The following DMXL2 variants were observed in gnomAD, a reference collection of about 807,000 sequenced individuals.
The protein encoded by DMXL2 is dmX-like protein 2.
A neutral mutation model predicts 331.1 loss-of-function variants in DMXL2; 103 were observed. The observed-to-expected ratio is 0.31, with a 90% CI of 0.27 to 0.37. The LOEUF is 0.37. DMXL2 is among the 10% of genes least tolerant of loss of function. DMXL2 has a pLI of 1.00. For synonymous variants in DMXL2, 1,281 were observed against 1,252.1 expected (o/e 1.02, Z -0.49); for missense variants, 3,171 against 3,642.9 (o/e 0.87, Z 3.33).
intron 9 of DMXL2, among the ~76,000 whole-genome samples, chr15:51,539,639 ACT>A (rs2140899490): frequency 6.6e-6 from 1 of 151,904 alleles, no homozygotes; most frequent in East Asian, 1.9e-4. Flanking sequence ...CGAGACACTG[ACT>A]CTACAAAAAC....
At chr15:51,593,100 A>G (rs538145326) in intron 1 of DMXL2, among the ~76,000 whole-genome samples, 1 of 152,364 alleles carries the variant, frequency 6.6e-6, no homozygotes, top group Non-Finnish European at 1.5e-5. Context: ...AAATGCTCCA[A>G]TTAAAAGACA....
chr15:51,594,335 G>T (rs888180994), intron 1 of DMXL2, among the ~76,000 whole-genome samples: 2 of 152,084 alleles, frequency 1.3e-5, no homozygotes, highest in South Asian at 4.1e-4. Context: ...TAAATTCCTC[G>T]ACACATACAC....
At chr15:51,451,623 A>G in intron 42 of DMXL2, 22 bp downstream of exon 42, 1 of 1,592,506 alleles carries the variant, frequency 6.3e-7, no homozygotes, top group Non-Finnish European at 8.6e-7. Context: ...TATATTTTTA[A>G]AAATCATAGA....
intron 22 of DMXL2, 49 bp downstream of exon 22, chr15:51,487,905 G>C (rs2042515645): frequency 1.4e-6 from 2 of 1,443,012 alleles, no homozygotes; most frequent in Non-Finnish European, 1.8e-6. Context: ...AACCTTCTTA[G>C]GTTTTCAATC....
chr15:51,585,420 C>A lies in DMXL2; in HGVS notation c.88-9239G>T, dbSNP rs963215800. ...TTTTGTCTTTGGCTCTGTTTATATT[C>A]ATTCTTCTTAATAGCTGCACAGTAT... On this transcript the variant is annotated intron_variant, in intron 1 of 43. Transcript: ENST00000560891. Among the ~76,000 whole-genome samples the A allele has an allele frequency of 2.0e-5, 3 of 152,210 alleles. No individual in the cohort carries two copies. In the South Asian group the frequency reaches 6.2e-4, roughly 32 times the overall value.
At chr15:51,554,901 T>C (rs2049456009) in intron 6 of DMXL2, among the ~76,000 whole-genome samples, 1 of 152,168 alleles carries the variant, frequency 6.6e-6, no homozygotes, top group Non-Finnish European at 1.5e-5. Flanking sequence ...CTCACACCCA[T>C]AATCCCAGCA....
chr15:51,565,267 T>A, intron 3 of DMXL2, 101 bp from the exon 4 acceptor site: 2 of 641,182 alleles, frequency 3.1e-6, no homozygotes, highest in Non-Finnish European at 5.0e-6. Flanking sequence ...AACTTAAGAC[T>A]TTAAGATCTG....
intron 33 of DMXL2, among the ~76,000 whole-genome samples, chr15:51,462,021 T>C (rs1034586470): frequency 6.6e-6 from 1 of 152,174 alleles, no homozygotes; most frequent in Non-Finnish European, 1.5e-5. Flanking sequence ...TCTTTTGTTA[T>C]GAAAAAGCTT....
chr15:51,499,971 C>T lies in DMXL2; in HGVS notation c.3253G>A (p.Ala1085Thr), dbSNP rs756370559. The T allele has an allele frequency of 1.9e-6, 3 of 1,613,970 alleles. No individual in the cohort carries two copies. The East Asian group carries it at 6.7e-5, about 36-fold the overall frequency. The stretch of plus-strand genomic sequence containing the variant: ...TTATGGTGGATAGGCTGCTTATAAG[C>T]CACTGCAAGGCGACCTGTGTATGAA... Reference protein sequence around the residue: ...SCSYTGRLAVAYKQPIHHNGF... With the variant: ...SCSYTGRLAVTYKQPIHHNGF... The change falls in exon 18 of 44, where the codon GCT (alanine) becomes ACT (threonine). Residue 1085 changes from alanine to threonine, a missense_variant. Transcript: ENST00000560891.
chr15:51,569,107 C>A (rs1482830556), intron 2 of DMXL2, among the ~76,000 whole-genome samples: 1 of 152,206 alleles, frequency 6.6e-6, no homozygotes, highest in African/African-American at 2.4e-5. Flanking sequence ...ATGGTCTTCA[C>A]AACCAGCAGA....
chr15:51,522,925 C>T (rs1282004350), intron 13 of DMXL2, among the ~76,000 whole-genome samples: 1 of 152,222 alleles, frequency 6.6e-6, no homozygotes, highest in Non-Finnish European at 1.5e-5. Flanking sequence ...CCTCAACAGA[C>T]TCCCTGCTAT....
Position 51,576,112 on chromosome 15 carries a change from C to T in DMXL2, c.157G>A (p.Ala53Thr). 6.5e-7 allele frequency: 1 copy of T among 1,544,114 alleles called. No homozygotes were observed. Among genetic ancestry groups the T allele is most frequent in the Non-Finnish European group, 8.8e-7 (1 of 1,140,464 alleles). Residue 53 changes from alanine (A) to threonine (T), a missense_variant, in exon 2 of 44, where the codon GCT becomes ACT. By Grantham distance (58) the Ala-to-Thr change is moderately conservative. Coordinates refer to ENST00000560891, the MANE Select transcript of DMXL2 (RefSeq NM_001378457.1). ...DFECVQIIPG[A>T]KHGNIQVSCV... Reference sequence around the variant, plus strand: ...CTGACTTGGATGTTTCCATGCTTAGCACCAGGAATGATCTGTACACATTCA... The same window carrying T: ...CTGACTTGGATGTTTCCATGCTTAGTACCAGGAATGATCTGTACACATTCA...
intron 23 of DMXL2, among the ~76,000 whole-genome samples, chr15:51,483,548 C>T (rs2042169458): frequency 6.6e-6 from 1 of 152,186 alleles, no homozygotes; most frequent in African/African-American, 2.4e-5. Flanking sequence ...CATACATACC[C>T]TCCCCCAAAT....
chr15:51,449,375 C>T (rs978702794), intron 43 of DMXL2, among the ~76,000 whole-genome samples, 182 bp from the exon 44 acceptor site: 2 of 152,160 alleles, frequency 1.3e-5, no homozygotes, highest in African/African-American at 4.8e-5. Context: ...CATTTACTGT[C>T]CTCCTTCCAT....
intron 6 of DMXL2, among the ~76,000 whole-genome samples, chr15:51,560,665 T>C (rs1261904614): frequency 7.3e-6 from 1 of 137,368 alleles, no homozygotes; most frequent in Non-Finnish European, 1.5e-5. Context: ...TGAGACTCAG[T>C]CTCAAAAAAA....
At chr15:51,559,499 G>C (rs566476209) in intron 6 of DMXL2, among the ~76,000 whole-genome samples, 2 of 152,262 alleles carry the variant, frequency 1.3e-5, no homozygotes, top group East Asian at 3.9e-4. Context: ...AGGATCACTT[G>C]AGGTCAGGAG....
At position 51,481,597 on chromosome 15, in the gene DMXL2, C is replaced by G; in HGVS notation, c.5509G>C (p.Ala1837Pro). The G allele has an allele frequency of 6.4e-7, 1 of 1,565,056 alleles. No homozygotes were observed. The highest frequency in any genetic ancestry group is 1.4e-5 in the African/African-American group (1 of 72,560). Residue 1837 changes from alanine to proline, a missense_variant, in exon 24 of 44, where the codon GCA becomes CCA. Around this residue, in one of 7 missense-constraint regions of DMXL2, gnomAD observed 244 missense variants for 251.4 expected, o/e 0.97. Transcript: ENST00000560891. ...CGAAGGTAGTTATAAAAACTAAATG[C>G]CACCGGGTTACAAGACTTGATGATA... ...QVIIKSCNPV[A>P]FSFYNYLRTH...
At chr15:51,523,879 AG>A (rs1308241595) in intron 13 of DMXL2, among the ~76,000 whole-genome samples, 1 of 152,264 alleles carries the variant, frequency 6.6e-6, no homozygotes, top group Non-Finnish European at 1.5e-5. Flanking sequence ...TTCACAATAT[AG>A]TTGGAGACTG....
chr15:51,523,965 C>T (rs2047522888), intron 13 of DMXL2, among the ~76,000 whole-genome samples: 1 of 152,180 alleles, frequency 6.6e-6, no homozygotes, highest in African/African-American at 2.4e-5. Flanking sequence ...CTCAACAACA[C>T]CATCAATCAA....
Sources: gnomAD v4.1 joint callset for allele counts (sites outside exome capture counted in the v4.1 genomes callset) on GRCh38, gnomAD v4.1.1 for gene constraint, gnomAD v4.1.1 regional missense constraint, MANE v1.5 for transcripts, NCBI Gene and HGNC (gene_info 2026-07-23, HGNC 2026-07-21) for gene names.